The following AGBL4 variants were observed in gnomAD, a reference collection of about 807,000 sequenced individuals.
AGBL4 encodes AGBL carboxypeptidase 4, also known as cytosolic carboxypeptidase 6.
AGBL4 carries 58 observed loss-of-function variants against 66.4 expected under a neutral mutation model. The observed-to-expected ratio is 0.87, with a 90% CI of 0.71 to 1.09. AGBL4 has a LOEUF of 1.09. Ranked by LOEUF, AGBL4 falls within the 50% of genes least tolerant of loss-of-function variation. The pLI is 0.00. For missense variants in AGBL4, 579 were observed against 631.0 expected (o/e 0.92, Z 0.88); for synonymous variants, 234 against 222.9 (o/e 1.05, Z -0.44).
At chr1:49,146,395 A>G (rs1356087298) in intron 4 of AGBL4, among the ~76,000 whole-genome samples, 8 of 152,190 alleles carry the variant, frequency 5.3e-5, no homozygotes, top group Admixed American at 5.2e-4. Context: ...AGATATCTAC[A>G]AAAATTAAAA....
intron 1 of AGBL4, among the ~76,000 whole-genome samples, chr1:49,926,721 A>G (rs1652815840): frequency 6.6e-6 from 1 of 152,242 alleles, no homozygotes; most frequent in African/African-American, 2.4e-5. Context: ...AGAGTCAAGC[A>G]GAAATCATGG....
intron 6 of AGBL4, among the ~76,000 whole-genome samples, chr1:48,770,480 T>A (rs1644757435): frequency 1.3e-5 from 2 of 152,330 alleles, no homozygotes; most frequent in East Asian, 1.9e-4. Context: ...CTTCTTTAAC[T>A]GTGCCTTTAA....
At chr1:49,782,797 C>T (rs1255911397) in intron 2 of AGBL4, among the ~76,000 whole-genome samples, 1 of 152,150 alleles carries the variant, frequency 6.6e-6, no homozygotes, top group African/African-American at 2.4e-5. Context: ...TTTTCTCTTG[C>T]ACTCTCTTTG....
chr1:48,646,450 G>T (rs1452012276), intron 8 of AGBL4, among the ~76,000 whole-genome samples: 1 of 150,662 alleles, frequency 6.6e-6, no homozygotes, highest in Non-Finnish European at 1.5e-5. Context: ...TTCTATTTTT[G>T]GATAGTTTGA....
At chr1:49,232,128 T>G (rs1298988808) in intron 4 of AGBL4, among the ~76,000 whole-genome samples, 1 of 152,112 alleles carries the variant, frequency 6.6e-6, no homozygotes, top group East Asian at 1.9e-4. Context: ...GGGGGAGTGA[T>G]GAAAATGTTC....
chr1:49,800,521 C>G (rs1355918430), intron 2 of AGBL4, among the ~76,000 whole-genome samples: 1 of 104,090 alleles, frequency 9.6e-6, no homozygotes. Context: ...CCCCCTCCCC[C>G]CACCCCACAA....
At chr1:49,190,906 T>C (rs2148206799) in intron 4 of AGBL4, among the ~76,000 whole-genome samples, 2 of 152,336 alleles carry the variant, frequency 1.3e-5, no homozygotes, top group Middle Eastern at 6.8e-3. Flanking sequence ...GGCCTGGAAC[T>C]CCTGCCTCTT....
At chr1:48,756,185 T>C (rs1643915714) in intron 6 of AGBL4, among the ~76,000 whole-genome samples, 1 of 152,234 alleles carries the variant, frequency 6.6e-6, no homozygotes, top group East Asian at 1.9e-4. Flanking sequence ...GCTCTTTGCC[T>C]AAATTGCTCC....
chr1:49,299,833 GT>G lies in AGBL4; in HGVS notation c.283-53970del, dbSNP rs1001577240. Among the ~76,000 whole-genome samples, 233 of 151,142 alleles carry G rather than the reference GT, an allele frequency of 1.5e-3. 1 individual carries two copies. The highest frequency in any genetic ancestry group is 2.7e-3 in the Non-Finnish European group (186 of 67,710). ...TTTCTTTCTATTCCTAGTTTTCTGA[GT>G]TTTTTTTTCTTTTAAATCATGAATG... On this transcript the variant is annotated intron_variant, in intron 3 of 13. Transcript: ENST00000371839.
intron 4 of AGBL4, among the ~76,000 whole-genome samples, chr1:49,170,233 A>G (rs1023019453): frequency 4.8e-5 from 7 of 145,242 alleles, no homozygotes; most frequent in African/African-American, 1.8e-4. Context: ...ATATGTTATA[A>G]ATTTATATTC....
chr1:49,169,815 A>C (rs1482786459), intron 4 of AGBL4, among the ~76,000 whole-genome samples: 1 of 152,164 alleles, frequency 6.6e-6, no homozygotes, highest in Non-Finnish European at 1.5e-5. Flanking sequence ...GTTAGGTGAG[A>C]TATTCAGATG....
At chr1:49,161,600 A>G (rs1475537767) in intron 4 of AGBL4, among the ~76,000 whole-genome samples, 3 of 152,168 alleles carry the variant, frequency 2.0e-5, no homozygotes, top group Admixed American at 6.5e-5. Flanking sequence ...CTCAGGGCTA[A>G]TAATATTTTT....
In AGBL4 at chr1:49,528,050, C is replaced by T. The variant is rs1242355152; in HGVS notation, c.282+169263G>A. Among the ~76,000 whole-genome samples the T allele has an allele frequency of 5.3e-5, 8 of 151,966 alleles. No homozygotes were observed. The South Asian group carries it at 6.2e-4, about 12-fold the overall frequency. On this transcript the variant is annotated intron_variant, in intron 3 of 13. Coordinates refer to ENST00000371839, the MANE Select transcript of AGBL4 (RefSeq NM_032785.4). The stretch of plus-strand genomic sequence containing the variant: ...AGGAGAGACAGCAAGTCTCTGGGTA[C>T]GTAGTCCCCTACAAAGTGACTGATT...
At chr1:49,428,109 C>A (rs1036683743) in intron 3 of AGBL4, among the ~76,000 whole-genome samples, 10 of 152,168 alleles carry the variant, frequency 6.6e-5, no homozygotes, top group Admixed American at 6.5e-4. Flanking sequence ...GAAGTCCCCA[C>A]CCCACCCAGG....
At chr1:49,748,880 T>A (rs1294759825) in intron 2 of AGBL4, among the ~76,000 whole-genome samples, 1 of 152,214 alleles carries the variant, frequency 6.6e-6, no homozygotes, top group Non-Finnish European at 1.5e-5. Flanking sequence ...TAAATGTGTT[T>A]AGGTTCCTTG....
rs536579702 is a variant in AGBL4 at position 49,292,155 on chromosome 1, A to C, written c.283-46291T>G. Reference sequence around the variant, plus strand: ...TGTTGCAGTGCAGCCAGGTGTGCACACACTTGAGGCAGTGCTGACACACCA... The same window carrying C: ...TGTTGCAGTGCAGCCAGGTGTGCACCCACTTGAGGCAGTGCTGACACACCA... On this transcript the variant is annotated intron_variant, in intron 3 of 13. Transcript: ENST00000371839. Among the ~76,000 whole-genome samples the C allele has an allele frequency of 2.6e-5, 4 of 152,254 alleles. No individual in the cohort carries two copies. In the East Asian group the frequency reaches 7.8e-4, roughly 30 times the overall value.
intron 2 of AGBL4, among the ~76,000 whole-genome samples, chr1:49,839,803 A>C (rs1287262694): frequency 1.3e-5 from 2 of 152,186 alleles, no homozygotes; most frequent in Non-Finnish European, 2.9e-5. Context: ...CATCCATTTA[A>C]TTACAAAAAG....
chr1:49,410,567 T>C (rs1645295617), intron 3 of AGBL4, among the ~76,000 whole-genome samples: 3 of 152,168 alleles, frequency 2.0e-5, no homozygotes, highest in Admixed American at 2.0e-4. Context: ...CTGTATCAGT[T>C]GCTGCTATCA....
intron 5 of AGBL4, among the ~76,000 whole-genome samples, chr1:49,038,415 C>T (rs1664835045): frequency 6.6e-6 from 1 of 151,998 alleles, no homozygotes; most frequent in Admixed American, 6.6e-5. Flanking sequence ...TAGTAGCTTA[C>T]CTTTAACCTG....
Sources: allele counts gnomAD v4.1 joint callset (sites outside exome capture counted in the v4.1 genomes callset), GRCh38; gene constraint gnomAD v4.1.1; transcripts MANE v1.5; gene names NCBI Gene and HGNC (gene_info 2026-07-23, HGNC 2026-07-21).